Variants in CHN2 observed in about 807,000 individuals in gnomAD.
CHN2 encodes the protein beta-chimaerin.
In CHN2, 35 loss-of-function variants were observed where a neutral mutation model predicts 56.3. The observed-to-expected ratio is 0.62, with a 90% CI of 0.47 to 0.82. The LOEUF (loss-of-function observed/expected upper bound fraction) is 0.82. Ranked by LOEUF, CHN2 falls within the 40% of genes least tolerant of loss-of-function variation. The pLI, the probability that CHN2 is intolerant of heterozygous loss-of-function variation, is 0.00. For synonymous variants in CHN2, 210 were observed against 212.8 expected (o/e 0.99, Z 0.12); for missense variants, 491 against 580.5 (o/e 0.85, Z 1.58).
chr7:29,318,730 G>T (rs1253988063), intron 1 of CHN2, among the ~76,000 whole-genome samples: 2 of 152,038 alleles, frequency 1.3e-5, no homozygotes, highest in African/African-American at 4.8e-5. Context: ...GAACCACCTT[G>T]TATCTAATTT....
chr7:29,344,750 G>C (rs1797294959), intron 1 of CHN2, among the ~76,000 whole-genome samples: 1 of 152,094 alleles, frequency 6.6e-6, no homozygotes. Flanking sequence ...ACTCCTCTGA[G>C]ACTGCTCTTG....
chr7:29,496,107 A>G, intron 8 of CHN2, 71 bp downstream of exon 8: 3 of 1,313,974 alleles, frequency 2.3e-6, no homozygotes, highest in Non-Finnish European at 3.2e-6. Flanking sequence ...ATGTCTCTCC[A>G]GAGCTGGGAA....
intron 2 of CHN2, among the ~76,000 whole-genome samples, chr7:29,186,971 C>T (rs1484524580): frequency 6.6e-6 from 1 of 152,000 alleles, no homozygotes; most frequent in African/African-American, 2.4e-5. Context: ...CCTCAGTTTC[C>T]CCAAATGGAA....
chr7:29,424,385 C>A (rs140007304), intron 6 of CHN2, among the ~76,000 whole-genome samples: 4 of 152,198 alleles, frequency 2.6e-5, no homozygotes, highest in Non-Finnish European at 5.9e-5. Flanking sequence ...TAAACCAGGA[C>A]ATCTTCAGCA....
rs1791795925 is a variant in CHN2 at position 29,514,054 on chromosome 7, A to ATTTTACGTGGAGCATCATTGTGTGAC, written c.*1321_*1346dup. 2.6e-5 allele frequency: 4 copies of ATTTTACGTGGAGCATCATTGTGTGAC among 152,596 alleles called. No individual in the cohort carries two copies. The highest frequency in any genetic ancestry group is 7.2e-5 in the African/African-American group (3 of 41,440). 9.5% of individuals were successfully genotyped at this position (152,596 alleles called of 1,614,324 possible). ...TTGGAGTGAGCAGAAGAGAATGACT[A>ATTTTACGTGGAGCATCATTGTGTGAC]TTTTACGTGGAGCATCATTGTGTGA... is the stretch of plus-strand genomic sequence containing the variant. On this transcript the variant is annotated 3_prime_UTR_variant, in exon 13 of 13. Transcript: ENST00000222792.
chr7:29,444,193 T>C (rs1783870861), intron 6 of CHN2, among the ~76,000 whole-genome samples: 1 of 152,234 alleles, frequency 6.6e-6, no homozygotes, highest in Admixed American at 6.5e-5. Flanking sequence ...TATATATGCA[T>C]ACCTTTTTTA....
intron 1 of CHN2, among the ~76,000 whole-genome samples, chr7:29,237,205 GAT>G (rs1227177151): frequency 1.3e-5 from 2 of 152,142 alleles, no homozygotes; most frequent in East Asian, 3.9e-4. Flanking sequence ...TAATGTATGA[GAT>G]AGAAAATATT....
chr7:29,200,188 A>G (rs573538902), intron 1 of CHN2: 5 of 152,296 alleles, frequency 3.3e-5, no homozygotes, highest in Middle Eastern at 3.4e-3. Flanking sequence ...GATTAATAGC[A>G]TCCCCTATCA....
At chr7:29,263,109 G>A (rs1299837952) in intron 1 of CHN2, among the ~76,000 whole-genome samples, 1 of 152,048 alleles carries the variant, frequency 6.6e-6, no homozygotes, top group Non-Finnish European at 1.5e-5. Flanking sequence ...CCGCCATCTC[G>A]GCTCACTGCA....
chr7:29,261,203 G>C (rs1377538885), intron 1 of CHN2, among the ~76,000 whole-genome samples: 1 of 152,160 alleles, frequency 6.6e-6, no homozygotes, highest in Non-Finnish European at 1.5e-5. Flanking sequence ...ACAGAATGGG[G>C]AAGGACATGG....
intron 1 of CHN2, among the ~76,000 whole-genome samples, chr7:29,298,002 A>G (rs1257483111): frequency 6.6e-6 from 1 of 152,142 alleles, no homozygotes; most frequent in Non-Finnish European, 1.5e-5. Context: ...GGGGTTCGTG[A>G]GGGAGAGAAG....
chr7:29,333,136 G>A (rs1472163230), intron 1 of CHN2, among the ~76,000 whole-genome samples: 2 of 152,190 alleles, frequency 1.3e-5, no homozygotes, highest in Non-Finnish European at 2.9e-5. Flanking sequence ...GAAGTAGGAA[G>A]TAGAGAGTAA....
At chr7:29,147,169 T>A in intron 2 of CHN2, 1 of 665,786 alleles carries the variant, frequency 1.5e-6, no homozygotes, top group Non-Finnish European at 2.5e-6. Flanking sequence ...GTGCTGGGCA[T>A]CGAGCCAGAC....
intron 2 of CHN2, among the ~76,000 whole-genome samples, chr7:29,366,373 C>T (rs144103530): frequency 2.4e-4 from 37 of 152,002 alleles, no homozygotes; most frequent in African/African-American, 8.0e-4. Flanking sequence ...AAGGAGGAGG[C>T]GCAGCAACAT....
At chr7:29,254,983 A>C (rs958171204) in intron 1 of CHN2, among the ~76,000 whole-genome samples, 1 of 152,118 alleles carries the variant, frequency 6.6e-6, no homozygotes, top group Admixed American at 6.5e-5. Context: ...CTACCAAGAG[A>C]GCGTGCAGGT....
intron 7 of CHN2, among the ~76,000 whole-genome samples, chr7:29,481,658 G>GTTTTTT (rs5883215): frequency 7.6e-6 from 1 of 130,854 alleles, no homozygotes; most frequent in African/African-American, 2.9e-5. Flanking sequence ...AATGCCTCCC[G>GTTTTTT]TTTTTTTTTT....
rs1480698602 is a variant in CHN2, at chr7:29,362,158, C to A, written c.89-5774C>A. 4.6e-5 allele frequency among the ~76,000 whole-genome samples: 7 copies of A among 152,166 alleles called. No individual in the cohort carries two copies. In the South Asian group the frequency reaches 8.3e-4, roughly 18 times the overall value. On this transcript the variant is annotated intron_variant, in intron 2 of 12. Transcript: ENST00000222792. ...AACTCCTAGGAGTTTCTAATGTGAG[C>A]AGCTCCTCATGGGACCTCTCCACCA... is the stretch of plus-strand genomic sequence containing the variant.
At chr7:29,219,210 G>A (rs1323974935) in intron 1 of CHN2, among the ~76,000 whole-genome samples, 4 of 152,250 alleles carry the variant, frequency 2.6e-5, no homozygotes, top group Middle Eastern at 3.4e-3. Flanking sequence ...AACACTCACC[G>A]TTTCCCACCA....
chr7:29,425,355 A>G (rs1303255699), intron 6 of CHN2, among the ~76,000 whole-genome samples: 1 of 152,210 alleles, frequency 6.6e-6, no homozygotes, highest in Non-Finnish European at 1.5e-5. Context: ...CGGAGGGAGG[A>G]GACACGGAGC....
Sources: allele counts gnomAD v4.1 joint callset (sites outside exome capture counted in the v4.1 genomes callset), GRCh38; gene constraint gnomAD v4.1.1; transcripts MANE v1.5; gene names NCBI Gene and HGNC (gene_info 2026-07-23, HGNC 2026-07-21).